Variants in SUCO observed in about 807,000 individuals in gnomAD.
SUCO encodes the protein SUN domain-containing ossification factor.
Under a neutral mutation model 148.1 loss-of-function variants are expected in SUCO, and 57 were observed. That is an observed-to-expected ratio of 0.38 (90% confidence interval 0.31 to 0.48). The LOEUF (loss-of-function observed/expected upper bound fraction) is 0.48, where lower values mean the gene tolerates loss of function less well. Among genes scored for constraint, SUCO ranks in the 20% least tolerant of loss-of-function variants. SUCO has a pLI of 0.96. For missense variants in SUCO, 1,331 were observed against 1,468.2 expected, an observed-to-expected ratio of 0.91 and a Z score of 1.53; for synonymous variants, 470 against 502.7, an observed-to-expected ratio of 0.93 and a Z score of 0.87.
chr1:172,573,830 A>G (rs897682905), intron 9 of SUCO, 61 bp from the exon 10 acceptor site: 1 of 923,168 alleles, frequency 1.1e-6, no homozygotes, highest in Non-Finnish European at 1.7e-6. Context: ...TGTTAATGTC[A>G]TATTTAATAT....
chr1:172,586,155 A>G (rs1236762132), intron 17 of SUCO, among the ~76,000 whole-genome samples: 1 of 150,082 alleles, frequency 6.7e-6, no homozygotes, highest in African/African-American at 2.5e-5. Flanking sequence ...AATTCAGATC[A>G]AACTTTTTTT....
chr1:172,541,829 T>A (rs1026571510), intron 1 of SUCO: 12 of 982,604 alleles, frequency 1.2e-5, no homozygotes, highest in Non-Finnish European at 1.5e-5. Flanking sequence ...GAGAGTACAT[T>A]CTAGGGCCTA....
Position 172,582,731 on chromosome 1 carries a change from A to T in SUCO, c.1499-2287A>T, listed in dbSNP as rs929048242. ...TCTGCTTTCTCTCAAAAGACAAAAA[A>T]GATACATTAGGCAGTGTTCTGTAAA... On this transcript the variant is annotated intron_variant, in intron 15 of 23. Coordinates refer to ENST00000263688, the MANE Select transcript of SUCO (RefSeq NM_014283.5). 7.2e-5 allele frequency among the ~76,000 whole-genome samples: 11 copies of T among 152,288 alleles called. No homozygotes were observed. The East Asian group carries it at 2.1e-3, about 29-fold the overall frequency.
chr1:172,552,073 T>G (rs944742703), intron 2 of SUCO: 2 of 152,172 alleles, frequency 1.3e-5, no homozygotes, highest in Middle Eastern at 3.2e-3. Flanking sequence ...AAAACATGTA[T>G]TATTTTACCA....
Position 172,575,614 on chromosome 1 carries a change from A to G in SUCO, c.1254A>G (p.Lys418=). The G allele has an allele frequency of 1.2e-6, 2 of 1,605,900 alleles. No homozygotes were observed. Among genetic ancestry groups the G allele is most frequent in the Non-Finnish European group, 1.7e-6 (2 of 1,173,280 alleles). ...SFPLDEQMYA[K]YVKMFIKYIK... is the part of the protein sequence containing the mutation. ...CTTTAGATGAACAGATGTATGCAAA[A>G]TATGTCAAGGTAATGTTTACACATA... is the stretch of plus-strand genomic sequence containing the variant. The change falls in exon 11 of 24, where the codon AAA becomes AAG. Residue 418 remains lysine (K), a synonymous_variant. Coordinates refer to ENST00000263688, the MANE Select transcript of SUCO (RefSeq NM_014283.5).
chr1:172,551,624 A>G lies in SUCO; in HGVS notation c.175A>G (p.Lys59Glu), dbSNP rs1229591190. The G allele has an allele frequency of 6.3e-7, 1 of 1,581,832 alleles. No individual in the cohort carries two copies. The highest frequency in any genetic ancestry group is 1.7e-5 in the Admixed American group (1 of 58,340). Residue 59 changes from lysine to glutamate, a missense_variant and splice_region_variant, in exon 2 of 24, where the codon AAG becomes GAG. By Grantham distance (56) the Lys-to-Glu change is moderately conservative. Coordinates refer to ENST00000263688, the MANE Select transcript of SUCO (RefSeq NM_014283.5). ...AAATGAAGATGTACAATTCCAGAAA[A>G]AGGTGCCTTAAATAAAGTTAACATT... ...LENEDVQFQK[K>E]DEREGPINAE...
At position 172,565,672 on chromosome 1, in the gene SUCO, AC is replaced by A. The variant is rs1654498632; in HGVS notation, c.733-3345del. ...GTCCCAGAGTCAACACACTGGGGGG[AC>A]CTCTCACAACTAAGTGTCCCACCTT... On this transcript the variant is annotated intron_variant, in intron 6 of 23. Transcript: ENST00000263688. Among the ~76,000 whole-genome samples the A allele has an allele frequency of 5.9e-5, 9 of 152,240 alleles. No homozygotes were observed. In the South Asian group the frequency reaches 1.7e-3, roughly 28 times the overall value.
rs1052680431 is a variant in SUCO at position 172,610,322 on chromosome 1, G to A, written c.*63G>A. 1 of 1,503,230 alleles carries A rather than the reference G, an allele frequency of 6.7e-7. No homozygotes were observed. Among genetic ancestry groups the A allele is most frequent in the African/African-American group, 1.4e-5 (1 of 71,036 alleles). The allele number at this position is 1,503,230 out of a possible 1,614,324, so 93.1% of individuals were successfully genotyped here. A position where few individuals can be genotyped will look rare whatever the true frequency, so the allele number is the denominator to read the frequency against. On this transcript the variant is annotated 3_prime_UTR_variant, in exon 24 of 24. Transcript: ENST00000263688. ...GTTGTTCTTTGAAGAACAGTCTGTA[G>A]TATTTGAAGGGTTTGGGGGAGGGAG...
chr1:172,559,845 A>G (rs1654014814), intron 6 of SUCO, among the ~76,000 whole-genome samples: 1 of 152,106 alleles, frequency 6.6e-6, no homozygotes, highest in Non-Finnish European at 1.5e-5. Context: ...GGCTTGGCTT[A>G]CAGAAATTTG....
chr1:172,599,483 C>T (rs770758021), intron 19 of SUCO: 17 of 699,200 alleles, frequency 2.4e-5, no homozygotes, highest in Non-Finnish European at 3.0e-5. Context: ...TTCAGTGCTG[C>T]CTAAAACAGA....
intron 22 of SUCO, 84 bp downstream of exon 22, chr1:172,602,871 G>C: frequency 8.3e-7 from 1 of 1,200,688 alleles, no homozygotes; most frequent in East Asian, 2.4e-5. Flanking sequence ...TTGTGTTCAT[G>C]ACCATCTGCA....
chr1:172,588,892 C>A lies in SUCO; in HGVS notation c.1791C>A (p.Gly597=). The change falls in exon 18 of 24, where the codon GGC becomes GGA. Residue 597 remains glycine, a synonymous_variant. Coordinates refer to ENST00000263688, the MANE Select transcript of SUCO (RefSeq NM_014283.5). ...EASPSTVTLL[G]SGEQEDESSP... ...GTCCATCTACAGTGACCCTTCTGGG[C>A]AGCGGTGAACAGGAAGATGAATCAT... 6.2e-7 allele frequency: 1 copy of A among 1,613,330 alleles called. No individual in the cohort carries two copies. The highest frequency in any genetic ancestry group is 1.1e-5 in the South Asian group (1 of 90,992).
intron 3 of SUCO, among the ~76,000 whole-genome samples, chr1:172,554,260 C>T (rs530522284): frequency 6.6e-6 from 1 of 152,284 alleles, no homozygotes; most frequent in East Asian, 1.9e-4. Flanking sequence ...GTAGCCCTTA[C>T]AATTGTATGA....
chr1:172,591,195 G>T, intron 19 of SUCO, 124 bp downstream of exon 19: 1 of 625,744 alleles, frequency 1.6e-6, no homozygotes. Context: ...GTTTAAGCCT[G>T]TTATATTAAT....
chr1:172,591,674 T>A, intron 19 of SUCO, among the ~76,000 whole-genome samples: 1 of 152,056 alleles, frequency 6.6e-6, no homozygotes, highest in South Asian at 2.1e-4. Flanking sequence ...TAATCCAGTC[T>A]ATCATTGTTG....
intron 2 of SUCO, chr1:172,551,927 A>G (rs1653332370): frequency 5.7e-6 from 1 of 174,862 alleles, no homozygotes; most frequent in Non-Finnish European, 1.2e-5. Context: ...TAGAGTTTTT[A>G]AAGAAACCCC....
chr1:172,554,751 A>G (rs1465277621), intron 3 of SUCO, among the ~76,000 whole-genome samples: 1 of 152,068 alleles, frequency 6.6e-6, no homozygotes, highest in Admixed American at 6.5e-5. Context: ...AAAAAAAAAA[A>G]AAGCATGTAA....
chr1:172,572,696 TAAAAAAAAAAAAA>T (rs61248782), intron 9 of SUCO, among the ~76,000 whole-genome samples: 64 of 49,608 alleles, frequency 1.3e-3, no homozygotes, highest in Middle Eastern at 0.013. Context: ...GAATGATCAA[TAAAAAAAAAAAAA>T]AAAAAAAAAA....
In SUCO at chr1:172,533,178, C is replaced by T; in HGVS notation, c.-258C>T. On this transcript the variant is annotated 5_prime_UTR_variant, in exon 1 of 24. Coordinates refer to ENST00000263688, the MANE Select transcript of SUCO (RefSeq NM_014283.5). The stretch of plus-strand genomic sequence containing the variant: ...GGGCGGCAGTGGCGGCTGCAGGAGG[C>T]GGGCGTGGACGAGCCGGTGGCTGCA... The T allele has an allele frequency of 2.7e-6, 4 of 1,478,816 alleles. No individual in the cohort carries two copies. The highest frequency in any genetic ancestry group is 3.6e-6 in the Non-Finnish European group (4 of 1,117,332). 91.6% of individuals were successfully genotyped at this position (1,478,816 alleles called of 1,614,324 possible). A position where few individuals can be genotyped will look rare whatever the true frequency, so the allele number is the denominator to read the frequency against.
Sources: allele counts gnomAD v4.1 joint callset (sites outside exome capture counted in the v4.1 genomes callset), GRCh38; gene constraint gnomAD v4.1.1; transcripts MANE v1.5; gene names NCBI Gene and HGNC (gene_info 2026-07-23, HGNC 2026-07-21).